CDYL: variants seen among roughly 807,000 people sequenced by gnomAD.
CDYL encodes the protein chromodomain Y like.
CDYL carries 8 observed loss-of-function variants against 47.3 expected under a neutral mutation model. The observed-to-expected ratio is 0.17, with a 90% CI of 0.10 to 0.31. CDYL has a LOEUF of 0.31. Ranked by LOEUF, CDYL falls within the 10% of genes least tolerant of loss-of-function variation. CDYL has a pLI of 1.00. For synonymous variants in CDYL, 266 were observed against 265.0 expected, an observed-to-expected ratio of 1.00 and a Z score of -0.04; for missense variants, 471 against 701.4, an observed-to-expected ratio of 0.67 and a Z score of 3.71.
At position 4,738,455 on chromosome 6, in the gene CDYL, A is replaced by G. The variant is rs1159910659; in HGVS notation, c.186+3611A>G. 2.6e-5 allele frequency among the ~76,000 whole-genome samples: 4 copies of G among 152,236 alleles called. No individual in the cohort carries two copies. In the East Asian group the frequency reaches 5.8e-4, roughly 22 times the overall value. Reference sequence around the variant, plus strand: ...CTTTACCACAAACATGTAAATGCAAATAAATCCACATTTCACTCCCACAAA... The same window carrying G: ...CTTTACCACAAACATGTAAATGCAAGTAAATCCACATTTCACTCCCACAAA... On this transcript the variant is annotated intron_variant, in intron 3 of 8. Coordinates refer to the CDYL transcript ENST00000328908.
chr6:4,922,178 G>A (rs1757735391), intron 2 of CDYL, among the ~76,000 whole-genome samples: 1 of 152,102 alleles, frequency 6.6e-6, no homozygotes, highest in African/African-American at 2.4e-5. Flanking sequence ...TATGGCTTGG[G>A]GGTTGGGTGA....
intron 1 of CDYL, among the ~76,000 whole-genome samples, chr6:4,820,242 CCT>C (rs1391589267): frequency 6.6e-6 from 1 of 152,172 alleles, no homozygotes; most frequent in African/African-American, 2.4e-5. Flanking sequence ...GTAGCATTTC[CCT>C]GTTATTTCAG....
At chr6:4,723,340 C>A (rs150103571) in intron 2 of CDYL, among the ~76,000 whole-genome samples, 1 of 152,000 alleles carries the variant, frequency 6.6e-6, no homozygotes, top group South Asian at 2.1e-4. Flanking sequence ...AACCAATCCC[C>A]AACAGATACC....
chr6:4,806,256 C>T (rs1381744238), intron 1 of CDYL, among the ~76,000 whole-genome samples: 1 of 152,176 alleles, frequency 6.6e-6, no homozygotes, highest in Non-Finnish European at 1.5e-5. Context: ...TTGGCAAAGC[C>T]TGGCATCAAG....
intron 2 of CDYL, among the ~76,000 whole-genome samples, chr6:4,919,221 C>T (rs771080759): frequency 5.9e-5 from 9 of 152,004 alleles, no homozygotes; most frequent in Non-Finnish European, 1.2e-4. Flanking sequence ...CTTGATGAGG[C>T]CTGGATCCTA....
At chr6:4,845,287 C>T (rs2127460864) in intron 1 of CDYL, among the ~76,000 whole-genome samples, 1 of 152,244 alleles carries the variant, frequency 6.6e-6, no homozygotes, top group East Asian at 1.9e-4. Flanking sequence ...TCTTAGAGGT[C>T]TCACCAAAAC....
chr6:4,835,852 G>A (rs552470737), intron 1 of CDYL, among the ~76,000 whole-genome samples: 134 of 152,306 alleles, frequency 8.8e-4, no homozygotes, highest in Non-Finnish European at 1.3e-3. Flanking sequence ...AGCAGTCAGC[G>A]AGACTCCGTG....
intron 1 of CDYL, among the ~76,000 whole-genome samples, chr6:4,818,402 T>G (rs1045885664): frequency 1.3e-5 from 2 of 152,194 alleles, no homozygotes; most frequent in African/African-American, 4.8e-5. Context: ...TTGAAGGTGT[T>G]TGATACCTCC....
At chr6:4,804,818 T>G (rs1381917254) in intron 1 of CDYL, among the ~76,000 whole-genome samples, 1 of 152,234 alleles carries the variant, frequency 6.6e-6, no homozygotes, top group Non-Finnish European at 1.5e-5. Context: ...TAATTAGACT[T>G]AATAACTGGA....
chr6:4,858,219 A>T (rs776689024), intron 1 of CDYL, among the ~76,000 whole-genome samples: 6 of 152,162 alleles, frequency 3.9e-5, no homozygotes, highest in South Asian at 2.1e-4. Flanking sequence ...GGTTGTATTT[A>T]AAAAACCCAC....
intron 1 of CDYL, among the ~76,000 whole-genome samples, chr6:4,777,280 A>G (rs1404776645): frequency 6.6e-6 from 1 of 152,192 alleles, no homozygotes; most frequent in Non-Finnish European, 1.5e-5. Context: ...GCTGTTCGCC[A>G]AAGCGATGCA....
At chr6:4,892,428 C>A in intron 2 of CDYL, 49 bp downstream of exon 2, 2 of 1,528,104 alleles carry the variant, frequency 1.3e-6, no homozygotes, top group South Asian at 2.6e-5. Context: ...CCAGAGGGCT[C>A]GGGTCCTTCT....
chr6:4,892,033 C>T lies in CDYL; in HGVS notation c.345C>T (p.Ala115=), dbSNP rs1276872782. The T allele has an allele frequency of 6.2e-7, 1 of 1,614,078 alleles. No homozygotes were observed. Among genetic ancestry groups the T allele is most frequent in the Non-Finnish European group, 8.5e-7 (1 of 1,180,048 alleles). The change falls in exon 2 of 7, where the codon GCC becomes GCT. Residue 115 remains alanine, a synonymous_variant. Transcript: ENST00000397588. ...HESKNSQLFA[A]SQKFRKNTAP... is the part of the protein sequence containing the mutation. ...CCAAAAACAGCCAGCTGTTTGCTGC[C>T]AGCCAGAAGTTCAGGAAGAACACAG...
chr6:4,777,706 G>A (rs1758508217), intron 1 of CDYL, among the ~76,000 whole-genome samples: 1 of 152,210 alleles, frequency 6.6e-6, no homozygotes, highest in Non-Finnish European at 1.5e-5. Flanking sequence ...GGACCTGGGT[G>A]TTGAGGGACT....
intron 1 of CDYL, among the ~76,000 whole-genome samples, chr6:4,883,593 C>T (rs1761821673): frequency 6.6e-6 from 1 of 152,162 alleles, no homozygotes; most frequent in Non-Finnish European, 1.5e-5. Context: ...TTGGACTGAC[C>T]ACTGTCAGGC....
At chr6:4,906,665 A>G (rs1242197891) in intron 2 of CDYL, among the ~76,000 whole-genome samples, 4 of 152,256 alleles carry the variant, frequency 2.6e-5, no homozygotes, top group African/African-American at 9.6e-5. Flanking sequence ...TTTTTCAGAT[A>G]AACCTTATCT....
rs149676328 is a variant in CDYL at position 4,861,990 on chromosome 6, G to T, written c.25-29723G>T. ...GTCATTTTTATAAATTCATAGCCCT[G>T]GTCCTAAACAGGAAGTAAAGGGACC... On this transcript the variant is annotated intron_variant, in intron 1 of 6. Transcript: ENST00000397588. 4.2e-3 allele frequency among the ~76,000 whole-genome samples: 633 copies of T among 152,160 alleles called. 1 individual carries two copies. The highest frequency in any genetic ancestry group is 0.014 in the African/African-American group (595 of 41,504).
intron 5 of CDYL, among the ~76,000 whole-genome samples, chr6:4,947,804 C>G (rs1758570167): frequency 6.6e-6 from 1 of 152,178 alleles, no homozygotes; most frequent in Admixed American, 6.5e-5. Flanking sequence ...ACAGGGAGCT[C>G]TGGAACCACG....
At chr6:4,943,922 A>G (rs111879995) in intron 5 of CDYL, 166 bp downstream of exon 5, 2 of 545,466 alleles carry the variant, frequency 3.7e-6, no homozygotes, top group East Asian at 2.9e-5. Flanking sequence ...CCTTTGTTGC[A>G]TCATTCCCTA....
Sources: gnomAD v4.1 joint callset for allele counts (sites outside exome capture counted in the v4.1 genomes callset) on GRCh38, gnomAD v4.1.1 for gene constraint, MANE v1.5 for transcripts, NCBI Gene and HGNC (gene_info 2026-07-23, HGNC 2026-07-21) for gene names.